Variants in MGAT4A observed in about 807,000 individuals in gnomAD.
MGAT4A encodes the protein N-acetylglucosaminyltransferase IVa.
Under a neutral mutation model 74.1 loss-of-function variants are expected in MGAT4A, and 33 were observed. The observed-to-expected ratio is 0.45, with a 90% CI of 0.34 to 0.60. MGAT4A has a LOEUF of 0.60. Ranked by LOEUF, MGAT4A falls within the 20% of genes least tolerant of loss-of-function variation. The pLI is 0.02. For missense variants in MGAT4A, 479 were observed against 628.3 expected (o/e 0.76, Z 2.54); for synonymous variants, 198 against 210.4 (o/e 0.94, Z 0.51).
At chr2:98,640,285 A>C in intron 10 of MGAT4A, 57 bp from the exon 11 acceptor site, 2 of 1,402,652 alleles carry the variant, frequency 1.4e-6, no homozygotes, top group East Asian at 2.4e-5. Flanking sequence ...TCTTGCCCTC[A>C]CCTGGAAAAT....
chr2:98,665,043 C>G (rs1364290951), intron 4 of MGAT4A, among the ~76,000 whole-genome samples: 1 of 151,974 alleles, frequency 6.6e-6, no homozygotes, highest in Non-Finnish European at 1.5e-5. Context: ...AATTCTAATG[C>G]CAGGGGCTGG....
At chr2:98,717,593 A>G (rs888255251) in intron 2 of MGAT4A, among the ~76,000 whole-genome samples, 9 of 152,222 alleles carry the variant, frequency 5.9e-5, no homozygotes, top group African/African-American at 1.4e-4. Context: ...CTGATTATAT[A>G]TAAGTTGTTA....
intron 2 of MGAT4A, among the ~76,000 whole-genome samples, chr2:98,690,480 C>G (rs1156505028): frequency 2.6e-5 from 4 of 152,154 alleles, no homozygotes; most frequent in African/African-American, 9.7e-5. Flanking sequence ...CCATTCCCAC[C>G]AGCATAATGA....
intron 2 of MGAT4A, among the ~76,000 whole-genome samples, chr2:98,697,828 G>A (rs1425458046): frequency 6.6e-6 from 1 of 152,140 alleles, no homozygotes; most frequent in East Asian, 1.9e-4. Flanking sequence ...TTACTAAGAG[G>A]ATGTGTAACA....
At chr2:98,713,300 A>G (rs1279191483) in intron 2 of MGAT4A, among the ~76,000 whole-genome samples, 1 of 152,024 alleles carries the variant, frequency 6.6e-6, no homozygotes, top group Non-Finnish European at 1.5e-5. Flanking sequence ...CTTTTCCCAA[A>G]TAAGTTATTT....
chr2:98,647,804 C>A (rs1701517078), intron 8 of MGAT4A, among the ~76,000 whole-genome samples: 1 of 152,248 alleles, frequency 6.6e-6, no homozygotes, highest in Non-Finnish European at 1.5e-5. Context: ...ATCTCCCTTT[C>A]CCCTGAGGGG....
At chr2:98,719,611 G>C (rs1002862874) in intron 2 of MGAT4A, among the ~76,000 whole-genome samples, 1 of 152,098 alleles carries the variant, frequency 6.6e-6, no homozygotes, top group Admixed American at 6.5e-5. Flanking sequence ...AACTGCCTGT[G>C]AGTACAACTA....
chr2:98,652,774 C>T (rs1701601197), intron 8 of MGAT4A, among the ~76,000 whole-genome samples: 1 of 151,952 alleles, frequency 6.6e-6, no homozygotes, highest in Non-Finnish European at 1.5e-5. Flanking sequence ...CACCACCATG[C>T]CCAGTGAATT....
Position 98,678,340 on chromosome 2 carries a change from T to C in MGAT4A, c.226A>G (p.Thr76Ala). Residue 76 changes from threonine to alanine, a missense_variant, in exon 3 of 16, where the codon ACA (threonine) becomes GCA (alanine). Transcript: ENST00000393487. Reference protein sequence around the residue: ...VQQFKRVGAETNGSKDALNKF... With the variant: ...VQQFKRVGAEANGSKDALNKF... The stretch of plus-strand genomic sequence containing the variant: ...TTCAACGCATCCTTACTTCCATTTG[T>C]TTCTGCTCCTACACGCTTGAACTGT... The C allele has an allele frequency of 1.4e-6, 2 of 1,456,272 alleles. No homozygotes were observed. Among genetic ancestry groups the C allele is most frequent in the Non-Finnish European group, 1.8e-6 (2 of 1,091,912 alleles). The allele number at this position is 1,456,272 out of a possible 1,614,324, so 90.2% of individuals were successfully genotyped here.
chr2:98,631,885 C>T (rs371616183), intron 14 of MGAT4A, among the ~76,000 whole-genome samples: 4 of 151,672 alleles, frequency 2.6e-5, no homozygotes, highest in Non-Finnish European at 5.9e-5. Context: ...TTTGGGAGGC[C>T]GAGGCCAGTG....
At chr2:98,649,530 C>T (rs1701546838) in intron 8 of MGAT4A, among the ~76,000 whole-genome samples, 1 of 152,120 alleles carries the variant, frequency 6.6e-6, no homozygotes, top group Non-Finnish European at 1.5e-5. Context: ...ATCATAGTGT[C>T]AGGAACAGGG....
intron 6 of MGAT4A, 75 bp from the exon 7 acceptor site, chr2:98,656,540 T>G: frequency 1.0e-6 from 1 of 995,894 alleles, no homozygotes; most frequent in Non-Finnish European, 1.5e-6. Flanking sequence ...TACACTGTGT[T>G]TAACATAAAA....
intron 4 of MGAT4A, among the ~76,000 whole-genome samples, chr2:98,669,490 G>A (rs1358558079): frequency 6.6e-6 from 1 of 152,118 alleles, no homozygotes; most frequent in African/African-American, 2.4e-5. Context: ...CCCAGTCTCA[G>A]TATGTCTTTA....
In MGAT4A at chr2:98,678,438, G is replaced by C. The variant is rs140376919; in HGVS notation, c.128C>G (p.Ala43Gly). 2 of 1,582,016 alleles carry C rather than the reference G, an allele frequency of 1.3e-6. No individual in the cohort carries two copies. The highest frequency in any genetic ancestry group is 3.4e-5 in the Admixed American group (2 of 59,314). The change falls in exon 3 of 16, where the codon GCT becomes GGT. Residue 43 changes from alanine to glycine, a missense_variant. Physicochemically the swap from Ala to Gly is moderately conservative, Grantham distance 60. This residue lies in a region of MGAT4A where 205 missense variants were observed against 232.7 expected (regional missense o/e 0.88). Transcript: ENST00000393487. ...KLIAYQREFLALKERLRIAEH... is the reference protein window; with the variant it reads ...KLIAYQREFLGLKERLRIAEH... ...AGCTATTCGAAGACGTTCTTTCAAA[G>C]CAAGGAATTCTCGTTGATAAGCAAT... is the stretch of plus-strand genomic sequence containing the variant.
intron 4 of MGAT4A, among the ~76,000 whole-genome samples, chr2:98,667,021 G>T (rs550845412): frequency 6.6e-6 from 1 of 152,254 alleles, no homozygotes; most frequent in Non-Finnish European, 1.5e-5. Context: ...AATCTTTCCT[G>T]TGCTGTTCTC....
At chr2:98,646,431 C>T (rs1314896200) in intron 8 of MGAT4A, among the ~76,000 whole-genome samples, 1 of 152,068 alleles carries the variant, frequency 6.6e-6, no homozygotes, top group Non-Finnish European at 1.5e-5. Flanking sequence ...AGGCCAGGCA[C>T]AGTGGCTCAC....
chr2:98,669,944 G>A (rs1396085314), intron 4 of MGAT4A, among the ~76,000 whole-genome samples: 1 of 152,108 alleles, frequency 6.6e-6, no homozygotes, highest in Non-Finnish European at 1.5e-5. Flanking sequence ...TGTCAGCCTG[G>A]ATCCCTGCAT....
At chr2:98,645,353 A>C in intron 9 of MGAT4A, 75 bp downstream of exon 9, 3 of 1,081,660 alleles carry the variant, frequency 2.8e-6, no homozygotes, top group Non-Finnish European at 4.0e-6. Flanking sequence ...TCTTTAGGAC[A>C]AGTAGCTACT....
At chr2:98,698,664 C>T (rs1240390594) in intron 2 of MGAT4A, among the ~76,000 whole-genome samples, 1 of 152,092 alleles carries the variant, frequency 6.6e-6, no homozygotes, top group African/African-American at 2.4e-5. Context: ...CCAACATGAT[C>T]TCCTCACGTT....
Sources: allele counts gnomAD v4.1 joint callset (sites outside exome capture counted in the v4.1 genomes callset), GRCh38; gene constraint gnomAD v4.1.1; regional missense constraint gnomAD v4.1.1; transcripts MANE v1.5; gene names NCBI Gene and HGNC (gene_info 2026-07-23, HGNC 2026-07-21).